The following CWC27 variants were observed in gnomAD, a reference collection of about 807,000 sequenced individuals.
CWC27 encodes the protein spliceosome-associated protein CWC27 homolog.
Under a neutral mutation model 63.6 loss-of-function variants are expected in CWC27, and 47 were observed. That is an observed-to-expected ratio of 0.74 (90% CI 0.58 to 0.94). The LOEUF (loss-of-function observed/expected upper bound fraction) is 0.94. CWC27 is among the 40% of genes least tolerant of loss of function. The pLI is 0.00. For missense variants in CWC27, 495 were observed against 554.3 expected (o/e 0.89, Z 1.07); for synonymous variants, 175 against 179.8 (o/e 0.97, Z 0.22).
At chr5:64,793,220 C>A (rs928636762) in intron 7 of CWC27, among the ~76,000 whole-genome samples, 2 of 152,210 alleles carry the variant, frequency 1.3e-5, no homozygotes, top group Admixed American at 6.5e-5. Context: ...GTGGCTTGTG[C>A]AGCCCAGCCT....
intron 13 of CWC27, among the ~76,000 whole-genome samples, chr5:65,005,632 T>A (rs143808437): frequency 1.3e-5 from 2 of 152,300 alleles, no homozygotes; most frequent in Non-Finnish European, 2.9e-5. Context: ...TGAGGCAGTC[T>A]GATCCCCTCT....
At chr5:64,940,870 A>G (rs1447377489) in intron 11 of CWC27, among the ~76,000 whole-genome samples, 1 of 81,330 alleles carries the variant, frequency 1.2e-5, no homozygotes, top group Admixed American at 1.7e-4. Flanking sequence ...TTTTTTTGAG[A>G]CAGTCTTACT....
intron 13 of CWC27, among the ~76,000 whole-genome samples, chr5:64,992,092 CA>C (rs1412839640): frequency 5.3e-5 from 8 of 152,106 alleles, no homozygotes; most frequent in Non-Finnish European, 7.4e-5. Flanking sequence ...ATTTTTTAAG[CA>C]AATATTTGTA....
At chr5:64,794,413 T>C (rs1362546194) in intron 7 of CWC27, among the ~76,000 whole-genome samples, 1 of 152,114 alleles carries the variant, frequency 6.6e-6, no homozygotes, top group Admixed American at 6.6e-5. Flanking sequence ...TAAAATCAGC[T>C]GAATAGGTAT....
chr5:64,956,786 G>C (rs1748810377), intron 11 of CWC27, among the ~76,000 whole-genome samples: 1 of 152,062 alleles, frequency 6.6e-6, no homozygotes, highest in Non-Finnish European at 1.5e-5. Flanking sequence ...TCAAATCCTT[G>C]CTTCATCATT....
At chr5:64,786,344 A>G (rs1213418068) in intron 5 of CWC27, among the ~76,000 whole-genome samples, 180 bp from the exon 6 acceptor site, 2 of 152,130 alleles carry the variant, frequency 1.3e-5, no homozygotes, top group Non-Finnish European at 2.9e-5. Context: ...AGGATTATTG[A>G]GAGAATCCAG....
At chr5:64,813,349 AC>A (rs1744940839) in intron 10 of CWC27, among the ~76,000 whole-genome samples, 2 of 152,186 alleles carry the variant, frequency 1.3e-5, no homozygotes, top group South Asian at 4.1e-4. Flanking sequence ...TTCATTGAGA[AC>A]CAGTTAATCC....
At chr5:64,992,358 C>G (rs1749551083) in intron 13 of CWC27, among the ~76,000 whole-genome samples, 1 of 152,148 alleles carries the variant, frequency 6.6e-6, no homozygotes, top group Non-Finnish European at 1.5e-5. Flanking sequence ...TATGCTGTTT[C>G]CAGAATACCA....
Position 64,997,763 on chromosome 5 carries a change from C to T in CWC27, c.1257-20396C>T, listed in dbSNP as rs1324490872. ...GAGGGGACACAGATAAAGGAACATT[C>T]ATTGTAAATAGAATTTAAATATAAA... On this transcript the variant is annotated intron_variant, in intron 13 of 13. Transcript: ENST00000381070. Among the ~76,000 whole-genome samples the T allele has an allele frequency of 3.3e-5, 5 of 152,080 alleles. No homozygotes were observed. The East Asian group carries it at 9.6e-4, about 29-fold the overall frequency.
intron 10 of CWC27, among the ~76,000 whole-genome samples, chr5:64,870,953 G>A (rs1326992340): frequency 6.6e-6 from 1 of 152,082 alleles, no homozygotes; most frequent in Non-Finnish European, 1.5e-5. Context: ...CAAGGAGCTT[G>A]AGCACTTTGG....
intron 10 of CWC27, among the ~76,000 whole-genome samples, chr5:64,840,397 AT>A: frequency 1.4e-4 from 5 of 36,692 alleles, no homozygotes; most frequent in Non-Finnish European, 2.0e-4. Flanking sequence ...AAAAAAAAAT[AT>A]ATATATATAT....
At chr5:64,934,206 AC>A (rs1262681940) in intron 11 of CWC27, among the ~76,000 whole-genome samples, 2 of 152,174 alleles carry the variant, frequency 1.3e-5, no homozygotes, top group African/African-American at 2.4e-5. Flanking sequence ...GCACCTATCA[AC>A]CCATCGTCTA....
At chr5:64,923,885 C>G (rs759656280) in intron 11 of CWC27, among the ~76,000 whole-genome samples, 1 of 152,006 alleles carries the variant, frequency 6.6e-6, no homozygotes, top group Non-Finnish European at 1.5e-5. Context: ...ACTACTATTA[C>G]TAGTTGTACC....
chr5:64,917,168 G>A (rs769442833), intron 11 of CWC27, among the ~76,000 whole-genome samples: 3 of 152,060 alleles, frequency 2.0e-5, no homozygotes, highest in Non-Finnish European at 4.4e-5. Flanking sequence ...GATTAATTTT[G>A]CAGTATTTTG....
At chr5:64,951,616 C>G (rs529168849) in intron 11 of CWC27, among the ~76,000 whole-genome samples, 19 of 151,894 alleles carry the variant, frequency 1.3e-4, no homozygotes, top group East Asian at 1.2e-3. Context: ...AAAAAGAAAC[C>G]CTTACCCTTT....
At position 64,800,249 on chromosome 5, in the gene CWC27, G is replaced by T; in HGVS notation, c.671G>T (p.Ser224Ile). Residue 224 changes from serine to isoleucine, a missense_variant and splice_region_variant, in exon 8 of 14, where the codon AGC becomes ATC. Ser to Ile is a moderately radical substitution (Grantham distance 142, BLOSUM62 -2). Around this residue, in one of 3 missense-constraint regions of CWC27, gnomAD observed 463 missense variants for 498.1 expected, o/e 0.93. Coordinates refer to ENST00000381070, the MANE Select transcript of CWC27 (RefSeq NM_005869.4). ...EEEEVNRVSQ[S>I]MKGKSKSSHD... ...GATTATATTGTACATTCTTTGCAGAGCATGAAGGGCAAAAGCAAAAGTAGT... is the reference window on the plus strand; with the variant it reads ...GATTATATTGTACATTCTTTGCAGATCATGAAGGGCAAAAGCAAAAGTAGT... 1 of 1,604,832 alleles carries T rather than the reference G, an allele frequency of 6.2e-7. No individual in the cohort carries two copies. The highest frequency in any genetic ancestry group is 8.5e-7 in the Non-Finnish European group (1 of 1,172,548).
intron 10 of CWC27, among the ~76,000 whole-genome samples, chr5:64,880,601 C>A (rs1047839338): frequency 4.6e-5 from 7 of 151,726 alleles, no homozygotes; most frequent in Non-Finnish European, 1.0e-4. Flanking sequence ...TTAGTAATTT[C>A]TTTGCCAATA....
intron 7 of CWC27, among the ~76,000 whole-genome samples, chr5:64,796,836 C>T (rs534478472): frequency 8.3e-4 from 95 of 114,970 alleles, no homozygotes; most frequent in African/African-American, 3.2e-3. Flanking sequence ...TTCCTTCCTT[C>T]CTTCTTCCCT....
intron 11 of CWC27, among the ~76,000 whole-genome samples, chr5:64,956,366 C>T (rs1232956194): frequency 6.6e-6 from 1 of 152,054 alleles, no homozygotes; most frequent in African/African-American, 2.4e-5. Flanking sequence ...CTTTATTCCC[C>T]ATCTTATTTA....
Sources: gnomAD v4.1 joint callset for allele counts (sites outside exome capture counted in the v4.1 genomes callset) on GRCh38, gnomAD v4.1.1 for gene constraint, gnomAD v4.1.1 regional missense constraint, MANE v1.5 for transcripts, NCBI Gene and HGNC (gene_info 2026-07-23, HGNC 2026-07-21) for gene names.